Variants in MOSMO observed in about 807,000 individuals in gnomAD.
MOSMO encodes the protein modulator of smoothened, also known as modulator of smoothened protein.
MOSMO carries 5 observed loss-of-function variants against 18.4 expected under a neutral mutation model. The observed-to-expected ratio is 0.27, with a 90% CI of 0.14 to 0.57. The LOEUF (loss-of-function observed/expected upper bound fraction) is 0.57. Ranked by LOEUF, MOSMO falls within the 20% of genes least tolerant of loss-of-function variation. The pLI is 0.92. For missense variants in MOSMO, 138 were observed against 211.8 expected (o/e 0.65, Z 2.16); for synonymous variants, 82 against 82.3 (o/e 1.00, Z 0.02).
chr16:22,050,190 A>G (rs1405011066), intron 1 of MOSMO, among the ~76,000 whole-genome samples: 3 of 152,214 alleles, frequency 2.0e-5, no homozygotes, highest in South Asian at 2.1e-4. Flanking sequence ...TCCATTGGAC[A>G]TGAGGTAATG....
chr16:22,038,682 T>C (rs1208930318), intron 1 of MOSMO, among the ~76,000 whole-genome samples: 1 of 152,140 alleles, frequency 6.6e-6, no homozygotes, highest in Non-Finnish European at 1.5e-5. Flanking sequence ...AGAGTATATA[T>C]TTTAAAAATG....
chr16:22,075,302 T>C lies in MOSMO; in HGVS notation c.107-185T>C, dbSNP rs532734745. 1.7e-3 allele frequency: 1,146 copies of C among 692,078 alleles called. 3 individuals are homozygous for C. The highest frequency in any genetic ancestry group is 2.8e-3 in the Non-Finnish European group (1,054 of 379,804). The allele number at this position is 692,078 out of a possible 1,614,324, so 42.9% of individuals were successfully genotyped here. ...ATTTGTTATTTTTTTAGGTTCACTT[T>C]GTATGTTAAACTAAGTATTACTACG... On this transcript the variant is annotated intron_variant, in intron 1 of 2. Transcript: ENST00000542527.
In MOSMO at chr16:22,046,144, T is replaced by C. The variant is rs1900305517; in HGVS notation, c.107-29343T>C. On this transcript the variant is annotated intron_variant, in intron 1 of 2. Coordinates refer to ENST00000542527, the MANE Select transcript of MOSMO (RefSeq NM_001164579.2). ...ATGAAAAGCAGGCAGCTGAGGAATG[T>C]GGGATTTGAGTGCACAGGAAAGCTA... is the stretch of plus-strand genomic sequence containing the variant. Among the ~76,000 whole-genome samples the C allele has an allele frequency of 3.3e-5, 5 of 151,772 alleles. No individual in the cohort carries two copies. In the South Asian group the frequency reaches 6.2e-4, roughly 19 times the overall value.
chr16:22,010,816 G>A (rs563541911), intron 1 of MOSMO, among the ~76,000 whole-genome samples: 4 of 152,072 alleles, frequency 2.6e-5, no homozygotes, highest in Non-Finnish European at 4.4e-5. Context: ...AGCTACTCGG[G>A]AGGCTGAGGC....
Position 22,083,665 on chromosome 16 carries a change from A to G in MOSMO, c.*2785A>G, listed in dbSNP as rs1016992078. On this transcript the variant is annotated 3_prime_UTR_variant, in exon 3 of 3. Transcript: ENST00000542527. The stretch of plus-strand genomic sequence containing the variant: ...CATTTGTCAAACTTTTGTCTGTTTC[A>G]TTGTTTTTAGAGTGTGTGCATTCTT... 2.2e-6 allele frequency: 1 copy of G among 453,944 alleles called. No homozygotes were observed. Among genetic ancestry groups the G allele is most frequent in the East Asian group, 7.0e-5 (1 of 14,372 alleles). 28.1% of individuals were successfully genotyped at this position (453,944 alleles called of 1,614,324 possible). A position where few individuals can be genotyped will look rare whatever the true frequency, so the allele number is the denominator to read the frequency against.
chr16:22,028,922 A>G (rs1278061222), intron 1 of MOSMO, among the ~76,000 whole-genome samples: 1 of 152,078 alleles, frequency 6.6e-6, no homozygotes, highest in African/African-American at 2.4e-5. Context: ...CCCAGGCTGG[A>G]GTACAATGGT....
rs1900253169 is a variant in MOSMO at position 22,043,719 on chromosome 16, A to G, written c.107-31768A>G. On this transcript the variant is annotated intron_variant, in intron 1 of 2. Transcript: ENST00000542527. ...GTTACTTTTAGATCTTAGGTACAGA[A>G]TCTGATAAAGTCTAGGTGGTTCTGT... Among the ~76,000 whole-genome samples, 4 of 152,168 alleles carry G rather than the reference A, an allele frequency of 2.6e-5. No individual in the cohort carries two copies. The South Asian group carries it at 8.3e-4, about 32-fold the overall frequency.
At chr16:22,073,995 A>G (rs1428920164) in intron 1 of MOSMO, among the ~76,000 whole-genome samples, 1 of 152,142 alleles carries the variant, frequency 6.6e-6, no homozygotes, top group Non-Finnish European at 1.5e-5. Context: ...ACTTTGAGAG[A>G]ACTGATTTCT....
rs774311204 is a variant in MOSMO, at chr16:22,076,854, A to G, written c.319+1155A>G. Among the ~76,000 whole-genome samples, 92 of 152,130 alleles carry G rather than the reference A, an allele frequency of 6.0e-4. 2 individuals are homozygous for G. The highest frequency in any genetic ancestry group is 1.6e-4 in the Non-Finnish European group (11 of 68,024). ...TGTATGTTTCTGACTCTGTTTATCTATATTGCCCTTAATTTTTAAATTTAG... is the reference window on the plus strand; with the variant it reads ...TGTATGTTTCTGACTCTGTTTATCTGTATTGCCCTTAATTTTTAAATTTAG... On this transcript the variant is annotated intron_variant, in intron 2 of 2. Transcript: ENST00000542527.
At chr16:22,034,365 A>G (rs1247331333) in intron 1 of MOSMO, among the ~76,000 whole-genome samples, 1 of 152,188 alleles carries the variant, frequency 6.6e-6, no homozygotes, top group African/African-American at 2.4e-5. Context: ...CTCTCTAAAG[A>G]TTATCTGTTA....
intron 1 of MOSMO, among the ~76,000 whole-genome samples, chr16:22,026,364 ACG>A (rs1899876934): frequency 6.6e-6 from 1 of 151,678 alleles, no homozygotes; most frequent in South Asian, 2.1e-4. Context: ...GATGACAGGC[ACG>A]TGCTACCAAG....
intron 1 of MOSMO, among the ~76,000 whole-genome samples, chr16:22,037,345 GT>G (rs1900128613): frequency 6.6e-6 from 1 of 152,184 alleles, no homozygotes; most frequent in Non-Finnish European, 1.5e-5. Flanking sequence ...GAAAGAAGTG[GT>G]TGGCAGTCTT....
intron 2 of MOSMO, among the ~76,000 whole-genome samples, chr16:22,079,376 T>G (rs1179039487): frequency 1.3e-5 from 2 of 152,198 alleles, no homozygotes; most frequent in Non-Finnish European, 2.9e-5. Flanking sequence ...TGAAGGACAA[T>G]GAACACTTGA....
chr16:22,048,276 G>T (rs1279325927), intron 1 of MOSMO, among the ~76,000 whole-genome samples: 1 of 152,144 alleles, frequency 6.6e-6, no homozygotes, highest in Non-Finnish European at 1.5e-5. Context: ...CCCTCATAGG[G>T]TTGTGAACGA....
chr16:22,057,107 TAGAG>T (rs547993949), intron 1 of MOSMO, among the ~76,000 whole-genome samples: 2 of 151,606 alleles, frequency 1.3e-5, no homozygotes, highest in South Asian at 2.1e-4. Context: ...CTTAGTATTT[TAGAG>T]AGAGAGAGAG....
At chr16:22,018,485 C>T (rs1899686290) in intron 1 of MOSMO, among the ~76,000 whole-genome samples, 1 of 152,076 alleles carries the variant, frequency 6.6e-6, no homozygotes, top group South Asian at 2.1e-4. Context: ...TATAAGGTAC[C>T]ATCATTTTGA....
chr16:22,063,000 A>G (rs1900679840), intron 1 of MOSMO, among the ~76,000 whole-genome samples: 1 of 152,164 alleles, frequency 6.6e-6, no homozygotes, highest in African/African-American at 2.4e-5. Flanking sequence ...TTACAGGCAC[A>G]TGCCACCATT....
intron 1 of MOSMO, among the ~76,000 whole-genome samples, chr16:22,033,739 G>C (rs1292033677): frequency 2.0e-5 from 3 of 151,686 alleles, no homozygotes; most frequent in Non-Finnish European, 4.4e-5. Context: ...AGAATGGCAT[G>C]AACCCAGGAG....
chr16:22,012,482 A>G (rs1403447551), intron 1 of MOSMO, among the ~76,000 whole-genome samples: 1 of 152,204 alleles, frequency 6.6e-6, no homozygotes, highest in Non-Finnish European at 1.5e-5. Context: ...TTGCTGTTCT[A>G]GTTTATAAGA....
Sources: gnomAD v4.1 joint callset for allele counts (sites outside exome capture counted in the v4.1 genomes callset) on GRCh38, gnomAD v4.1.1 for gene constraint, MANE v1.5 for transcripts, NCBI Gene and HGNC (gene_info 2026-07-23, HGNC 2026-07-21) for gene names.